Variants in RAVER1 observed in about 807,000 individuals in gnomAD.
The protein encoded by RAVER1 is ribonucleoprotein, PTB binding 1.
Under a neutral mutation model 68.4 loss-of-function variants are expected in RAVER1, and 36 were observed. The observed-to-expected ratio is 0.53, with a 90% confidence interval of 0.40 to 0.70. The LOEUF is 0.70. RAVER1 is among the 30% of genes least tolerant of loss of function. The pLI, the probability that RAVER1 is intolerant of heterozygous loss-of-function variation, is 0.00. For missense variants in RAVER1, 933 were observed against 1,019.8 expected (o/e 0.91, Z 1.16); for synonymous variants, 469 against 472.7 (o/e 0.99, Z 0.10).
Position 10,328,836 on chromosome 19 carries a change from G to C in RAVER1, c.562C>G (p.Arg188Gly). The C allele has an allele frequency of 3.1e-6, 5 of 1,613,062 alleles. No homozygotes were observed. Among genetic ancestry groups the C allele is most frequent in the Non-Finnish European group, 4.2e-6 (5 of 1,179,820 alleles). Residue 188 changes from arginine (R) to glycine (G), a missense_variant, in exon 3 of 13, where the codon CGT (arginine) becomes GGT (glycine). Arg to Gly is a moderately radical substitution (Grantham distance 125). Transcript: ENST00000617231. This position sits in a 1 kb window ranked among gnomAD's most constrained non-coding sequence, Gnocchi z 4.4. ...TTGCCCAGCAGGTCCGACTTGGCAC[G>C]GGCAGCCGAGTCCTTCTTCATGTAC... is the stretch of plus-strand genomic sequence containing the variant. ...AEYMKKDSAA[R>G]AKSDLLGKPL...
chr19:10,332,857 T>C (rs1325772258), intron 1 of RAVER1, among the ~76,000 whole-genome samples: 1 of 152,138 alleles, frequency 6.6e-6, no homozygotes, highest in East Asian at 1.9e-4. Flanking sequence ...ACGCGTGATA[T>C]GGAGGGGCGT....
In RAVER1 at chr19:10,317,616, A is replaced by G. The variant is rs776766809; in HGVS notation, c.2074-16T>C. 16 of 1,141,144 alleles carry G rather than the reference A, an allele frequency of 1.4e-5. No homozygotes were observed. Among genetic ancestry groups the G allele is most frequent in the Non-Finnish European group, 1.7e-5 (14 of 808,558 alleles). The allele number at this position is 1,141,144 out of a possible 1,614,324, so 70.7% of individuals were successfully genotyped here. On this transcript the variant is annotated splice_polypyrimidine_tract_variant and intron_variant, in intron 12 of 12. Coordinates refer to ENST00000617231, the MANE Select transcript of RAVER1 (RefSeq NM_133452.3). This position sits in a 1 kb window ranked among gnomAD's most constrained non-coding sequence, Gnocchi z 4.3. Reference sequence around the variant, plus strand: ...CCAGTGGGGTCTGGAGACAGAGGGCAGGGCGGGGCGGGTCAGGGGCCGCTG... The same window carrying G: ...CCAGTGGGGTCTGGAGACAGAGGGCGGGGCGGGGCGGGTCAGGGGCCGCTG...
In RAVER1 at chr19:10,329,135, G is replaced by T; in HGVS notation, c.287-24C>A. 7.1e-7 allele frequency: 1 copy of T among 1,398,616 alleles called. No homozygotes were observed. Among genetic ancestry groups the T allele is most frequent in the Non-Finnish European group, 9.5e-7 (1 of 1,051,938 alleles). 86.6% of individuals were successfully genotyped at this position (1,398,616 alleles called of 1,614,324 possible). On this transcript the variant is annotated intron_variant, in intron 2 of 12. Transcript: ENST00000617231. The surrounding 1 kb of genome is among the most constrained non-coding windows in gnomAD (Gnocchi z 4.6). ...GGCTGCGGTGGGAGGAGGGCAGTGCGAGGTCAGCCGGGCCCTGAGGGCCTG... is the reference window on the plus strand; with the variant it reads ...GGCTGCGGTGGGAGGAGGGCAGTGCTAGGTCAGCCGGGCCCTGAGGGCCTG...
At chr19:10,325,752 G>A (rs920412139) in intron 3 of RAVER1, among the ~76,000 whole-genome samples, 1 of 152,012 alleles carries the variant, frequency 6.6e-6, no homozygotes, top group Non-Finnish European at 1.5e-5. Flanking sequence ...GGTCGAGGCC[G>A]GAGTGTACTC....
intron 6 of RAVER1, 102 bp from the exon 7 acceptor site, chr19:10,321,720 A>C: frequency 1.1e-6 from 1 of 925,710 alleles, no homozygotes; most frequent in Non-Finnish European, 1.5e-6. Flanking sequence ...ACTCCAGGGC[A>C]CGGCCGATCC....
Position 10,322,234 on chromosome 19 carries a change from G to T in RAVER1, c.1173+411C>A. 1 of 177,492 alleles carries T rather than the reference G, an allele frequency of 5.6e-6. No homozygotes were observed. Among genetic ancestry groups the T allele is most frequent in the Non-Finnish European group, 1.1e-5 (1 of 90,390 alleles). 11.0% of individuals were successfully genotyped at this position (177,492 alleles called of 1,614,324 possible). On this transcript the variant is annotated intron_variant, in intron 6 of 12. Coordinates refer to ENST00000617231, the MANE Select transcript of RAVER1 (RefSeq NM_133452.3). This position sits in a 1 kb window ranked among gnomAD's most constrained non-coding sequence, Gnocchi z 4.3. ...TATACCTGTGTTTCTAGGTGTGCGT[G>T]TGTGTGTGTGCACACACTGAGGGGA...
Position 10,323,580 on chromosome 19 carries a change from G to A in RAVER1, c.757-14C>T. 2 of 1,569,172 alleles carry A rather than the reference G, an allele frequency of 1.3e-6. No individual in the cohort carries two copies. The highest frequency in any genetic ancestry group is 8.6e-7 in the Non-Finnish European group (1 of 1,159,470). On this transcript the variant is annotated splice_polypyrimidine_tract_variant and intron_variant, in intron 3 of 12. Coordinates refer to ENST00000617231, the MANE Select transcript of RAVER1 (RefSeq NM_133452.3). This position sits in a 1 kb window ranked among gnomAD's most constrained non-coding sequence, Gnocchi z 6.2. ...GCCGCACGCCAGCTGCCGGAGGAAG[G>A]CAGGCAGTCATGAGCATCTGGGCAG...
rs2040446002 is a variant in RAVER1 at position 10,322,613 on chromosome 19, A to G, written c.1173+32T>C. The G allele has an allele frequency of 2.1e-6, 3 of 1,418,994 alleles. No individual in the cohort carries two copies. The highest frequency in any genetic ancestry group is 1.8e-4 in the Middle Eastern group (1 of 5,618). The allele number at this position is 1,418,994 out of a possible 1,614,324, so 87.9% of individuals were successfully genotyped here. A position where few individuals can be genotyped will look rare whatever the true frequency, so the allele number is the denominator to read the frequency against. On this transcript the variant is annotated intron_variant, in intron 6 of 12. Coordinates refer to ENST00000617231, the MANE Select transcript of RAVER1 (RefSeq NM_133452.3). This position sits in a 1 kb window ranked among gnomAD's most constrained non-coding sequence, Gnocchi z 4.3. ...GTTGAAAAGAGCCTGTAGGGGCTGT[A>G]GAGCAGTGGGTGAGGGGGATGCGTG... is the stretch of plus-strand genomic sequence containing the variant.
In RAVER1 at chr19:10,328,587, C is replaced by G; in HGVS notation, c.756+55G>C. Reference sequence around the variant, plus strand: ...GAAAAGGCAGATGACTCCAAAGACTCTCTCAGGTGCTCCGGGCCTGGCACC... The same window carrying G: ...GAAAAGGCAGATGACTCCAAAGACTGTCTCAGGTGCTCCGGGCCTGGCACC... On this transcript the variant is annotated intron_variant, in intron 3 of 12. Transcript: ENST00000617231. This position sits in a 1 kb window ranked among gnomAD's most constrained non-coding sequence, Gnocchi z 4.4. The G allele has an allele frequency of 8.2e-7, 1 of 1,212,464 alleles. No individual in the cohort carries two copies. The highest frequency in any genetic ancestry group is 1.2e-6 in the Non-Finnish European group (1 of 862,946). The allele number at this position is 1,212,464 out of a possible 1,614,324, so 75.1% of individuals were successfully genotyped here. A position where few individuals can be genotyped will look rare whatever the true frequency, so the allele number is the denominator to read the frequency against.
intron 1 of RAVER1, among the ~76,000 whole-genome samples, chr19:10,331,023 A>G (rs2040511455): frequency 6.6e-6 from 1 of 150,458 alleles, no homozygotes; most frequent in Non-Finnish European, 1.5e-5. Context: ...ACTGCACTCC[A>G]GCCTGGGTGA....
At position 10,320,949 on chromosome 19, in the gene RAVER1, G is replaced by A. The variant is rs752413154; in HGVS notation, c.1476C>T (p.Val492=). 5 of 1,492,272 alleles carry A rather than the reference G, an allele frequency of 3.4e-6. No homozygotes were observed. In the African/African-American group the frequency reaches 7.3e-5, roughly 22 times the overall value. The allele number at this position is 1,492,272 out of a possible 1,614,324, so 92.4% of individuals were successfully genotyped here. ...DSGPLPTPPG[V]SLLGEPPKDY... ...CCTTGGGGGGCTCCCCCAGCAGTGAGACCTGTGGCGGGAAGGCAGGATTCG... is the reference window on the plus strand; with the variant it reads ...CCTTGGGGGGCTCCCCCAGCAGTGAAACCTGTGGCGGGAAGGCAGGATTCG... Residue 492 remains valine (V), a splice_region_variant and synonymous_variant, in exon 9 of 13, where the codon GTC becomes GTT. Coordinates refer to ENST00000617231, the MANE Select transcript of RAVER1 (RefSeq NM_133452.3).
intron 1 of RAVER1, among the ~76,000 whole-genome samples, chr19:10,332,926 G>A (rs2040533381): frequency 6.6e-6 from 1 of 152,134 alleles, no homozygotes. Context: ...GGTAGAGTGG[G>A]TGGAGAAAAG....
In RAVER1 at chr19:10,333,476, G is replaced by T; in HGVS notation, c.32C>A (p.Pro11His). MAADVSVTHR[P>H]PLSPKSGAEV... Reference sequence around the variant, plus strand: ...GGCCCCAGACTTAGGGCTCAGCGGGGGCCGGTGAGTAACGGACACGTCCGC... The same window carrying T: ...GGCCCCAGACTTAGGGCTCAGCGGGTGCCGGTGAGTAACGGACACGTCCGC... The change falls in exon 1 of 13, where the codon CCC becomes CAC. Residue 11 changes from proline to histidine, a missense_variant. Pro to His is a moderately conservative substitution (Grantham distance 77). Around this residue, in one of 3 missense-constraint regions of RAVER1, gnomAD observed 211 missense variants for 230.0 expected, o/e 0.92. Transcript: ENST00000617231. The surrounding 1 kb of genome is among the most constrained non-coding windows in gnomAD (Gnocchi z 4.2). 1 of 1,609,880 alleles carries T rather than the reference G, an allele frequency of 6.2e-7. No individual in the cohort carries two copies. Among genetic ancestry groups the T allele is most frequent in the Non-Finnish European group, 8.5e-7 (1 of 1,179,092 alleles).
intron 1 of RAVER1, among the ~76,000 whole-genome samples, chr19:10,330,802 G>A (rs541590970): frequency 6.6e-6 from 1 of 152,312 alleles, no homozygotes; most frequent in South Asian, 2.1e-4. Flanking sequence ...GGTGGCTCAC[G>A]CTTATAATCC....
intron 3 of RAVER1, among the ~76,000 whole-genome samples, chr19:10,326,639 GA>G (rs2040476546): frequency 6.6e-6 from 1 of 151,524 alleles, no homozygotes; most frequent in Non-Finnish European, 1.5e-5. Flanking sequence ...ATTTTTAGTA[GA>G]GACGGGATTT....
rs1214620392 is a variant in RAVER1 at position 10,322,674 on chromosome 19, G to T, written c.1144C>A (p.Gln382Lys). The change falls in exon 6 of 13, where the codon CAG becomes AAG. Residue 382 changes from glutamine to lysine, a missense_variant. By Grantham distance (53) the Gln-to-Lys change is moderately conservative. This residue lies in a region of RAVER1 where 699 missense variants were observed against 731.1 expected (regional missense o/e 0.96). Coordinates refer to ENST00000617231, the MANE Select transcript of RAVER1 (RefSeq NM_133452.3). This position sits in a 1 kb window ranked among gnomAD's most constrained non-coding sequence, Gnocchi z 4.3. Reference sequence around the variant, plus strand: ...TGGCCCTGGGTCTGCAGGGCGAGCTGCAACAGCGCCGTGGACAGGGCTGGC... The same window carrying T: ...TGGCCCTGGGTCTGCAGGGCGAGCTTCAACAGCGCCGTGGACAGGGCTGGC... ...NGPALSTALL[Q>K]LALQTQGQKK... The T allele has an allele frequency of 2.6e-6, 4 of 1,545,524 alleles. No homozygotes were observed. The highest frequency in any genetic ancestry group is 3.5e-6 in the Non-Finnish European group (4 of 1,155,262).
At chr19:10,318,163 G>T in intron 11 of RAVER1, 66 bp downstream of exon 11, 2 of 1,424,424 alleles carry the variant, frequency 1.4e-6, no homozygotes, top group African/African-American at 1.4e-5. Flanking sequence ...ACAGAGCCCC[G>T]GTGGCAGGCA....
At position 10,317,107 on chromosome 19, in the gene RAVER1, G is replaced by C. The variant is rs913495426; in HGVS notation, c.*347C>G. On this transcript the variant is annotated 3_prime_UTR_variant, in exon 13 of 13. Coordinates refer to ENST00000617231, the MANE Select transcript of RAVER1 (RefSeq NM_133452.3). This position sits in a 1 kb window ranked among gnomAD's most constrained non-coding sequence, Gnocchi z 4.3. Reference sequence around the variant, plus strand: ...CACGGGAGGTCAGGGAAACCTCCAAGGCACTCGAAAGGCCAAAATTACAGG... The same window carrying C: ...CACGGGAGGTCAGGGAAACCTCCAACGCACTCGAAAGGCCAAAATTACAGG... The C allele has an allele frequency of 2.9e-6, 1 of 341,766 alleles. No individual in the cohort carries two copies. The highest frequency in any genetic ancestry group is 2.2e-5 in the African/African-American group (1 of 44,594). 21.2% of individuals were successfully genotyped at this position (341,766 alleles called of 1,614,324 possible). A position where few individuals can be genotyped will look rare whatever the true frequency, so the allele number is the denominator to read the frequency against.
At chr19:10,327,938 A>G (rs1441821910) in intron 3 of RAVER1, among the ~76,000 whole-genome samples, 1 of 152,196 alleles carries the variant, frequency 6.6e-6, no homozygotes, top group Non-Finnish European at 1.5e-5. Context: ...TGAATGAACA[A>G]GGGACTGTTT....
Sources: gnomAD v4.1 joint callset for allele counts (sites outside exome capture counted in the v4.1 genomes callset) on GRCh38, gnomAD v4.1.1 for gene constraint, gnomAD v4.1.1 regional missense constraint, Gnocchi (gnomAD v3.1) non-coding constraint, MANE v1.5 for transcripts, NCBI Gene and HGNC (gene_info 2026-07-23, HGNC 2026-07-21) for gene names.